The following DRC11 variants were observed in gnomAD, a reference collection of about 807,000 sequenced individuals.
DRC11 encodes the protein dynein regulatory complex subunit 11, also known as IQ and AAA domain-containing protein 1.
the DRC11 span, among the ~76,000 whole-genome samples, chr2:236,422,802 T>C: frequency 4.4e-3 from 668 of 152,044 alleles, 6 homozygotes; most frequent in African/African-American, 0.014. Context: ...CTTCAAACTA[T>C]ACTACAAGGC....
the DRC11 span, among the ~76,000 whole-genome samples, chr2:236,340,612 C>T: frequency 6.6e-6 from 1 of 152,138 alleles, no homozygotes; most frequent in African/African-American, 2.4e-5. Flanking sequence ...ACTGATCTGA[C>T]AGTCCTGGTG....
chr2:236,396,744 C>T, the DRC11 span, among the ~76,000 whole-genome samples: 1 of 152,224 alleles, frequency 6.6e-6, no homozygotes, highest in Non-Finnish European at 1.5e-5. Context: ...TATCCAATGG[C>T]ATTCTTTCCT....
the DRC11 span, among the ~76,000 whole-genome samples, chr2:236,442,336 C>G: frequency 6.1e-3 from 931 of 152,270 alleles, 10 homozygotes; most frequent in African/African-American, 0.021. Flanking sequence ...TGTTTCTGCA[C>G]TCAGTCTGTG....
the DRC11 span, among the ~76,000 whole-genome samples, chr2:236,325,598 C>CT: frequency 9.0e-3 from 1,279 of 142,124 alleles, 6 homozygotes; most frequent in Non-Finnish European, 0.013. The surrounding 1 kb of genome is among the most constrained non-coding windows in gnomAD (Gnocchi z 4.4). Flanking sequence ...CTTTGTATGT[C>CT]TTTTTTTTTT....
At chr2:236,464,191 G>A in the DRC11 span, among the ~76,000 whole-genome samples, 1 of 152,310 alleles carries the variant, frequency 6.6e-6, no homozygotes, top group East Asian at 1.9e-4. Context: ...TTCAGGGGAG[G>A]GATCACTGGA....
chr2:236,487,714 C>T, the DRC11 span, among the ~76,000 whole-genome samples: 2 of 152,206 alleles, frequency 1.3e-5, no homozygotes, highest in African/African-American at 4.8e-5. Context: ...TTTATATCCT[C>T]ACTGCATTTC....
chr2:236,360,210 CA>C, the DRC11 span, among the ~76,000 whole-genome samples: 1 of 152,142 alleles, frequency 6.6e-6, no homozygotes, highest in Non-Finnish European at 1.5e-5. This position sits in a 1 kb window ranked among gnomAD's most constrained non-coding sequence, Gnocchi z 5.8. Flanking sequence ...CCGTATAATG[CA>C]GTTTTGAAAC....
At chr2:236,421,808 A>G in the DRC11 span, among the ~76,000 whole-genome samples, 2 of 152,370 alleles carry the variant, frequency 1.3e-5, no homozygotes, top group East Asian at 1.9e-4. Flanking sequence ...AAAATCCTCA[A>G]TAAAATACTG....
chr2:236,332,986 A>G, the DRC11 span: 1 of 152,026 alleles, frequency 6.6e-6, no homozygotes, highest in Admixed American at 6.5e-5. The surrounding 1 kb of genome is among the most constrained non-coding windows in gnomAD (Gnocchi z 5.1). Flanking sequence ...TCCCTGATCT[A>G]CTCTGCTCCT....
At chr2:236,314,838 C>T in the DRC11 span, among the ~76,000 whole-genome samples, 53 of 152,222 alleles carry the variant, frequency 3.5e-4, no homozygotes, top group Middle Eastern at 6.8e-3. This position sits in a 1 kb window ranked among gnomAD's most constrained non-coding sequence, Gnocchi z 4.5. Flanking sequence ...CTTTCATGGA[C>T]TGGAAAACTC....
the DRC11 span, among the ~76,000 whole-genome samples, chr2:236,382,591 T>C: frequency 1.3e-5 from 2 of 152,206 alleles, no homozygotes; most frequent in African/African-American, 4.8e-5. Flanking sequence ...GGTATGTCTG[T>C]CTATTCAGAT....
At chr2:236,400,972 C>T in the DRC11 span, among the ~76,000 whole-genome samples, 9 of 152,164 alleles carry the variant, frequency 5.9e-5, no homozygotes, top group East Asian at 3.9e-4. The surrounding 1 kb of genome is among the most constrained non-coding windows in gnomAD (Gnocchi z 7.9). Flanking sequence ...GGTTGGCTAA[C>T]GCAGGGTCAC....
the DRC11 span, among the ~76,000 whole-genome samples, chr2:236,491,159 G>GTATATATATATATATATACACACAGTA: frequency 2.5e-5 from 1 of 40,346 alleles, no homozygotes; most frequent in African/African-American, 1.5e-4. Flanking sequence ...TATACACACA[G>GTATATATATATATATATACACACAGTA]TATATATATA....
At chr2:236,418,616 C>T in the DRC11 span, among the ~76,000 whole-genome samples, 1 of 150,342 alleles carries the variant, frequency 6.7e-6, no homozygotes, top group Non-Finnish European at 1.5e-5. Context: ...ATTCCACCTC[C>T]GCTTCCAACC....
the DRC11 span, among the ~76,000 whole-genome samples, chr2:236,357,370 ATATT>A: frequency 7.5e-4 from 86 of 115,294 alleles, no homozygotes; most frequent in Non-Finnish European, 9.0e-4. Flanking sequence ...TATTATAAAT[ATATT>A]TATATAGTAT....
chr2:236,496,951 A>T, the DRC11 span, among the ~76,000 whole-genome samples: 1 of 152,208 alleles, frequency 6.6e-6, no homozygotes, highest in Non-Finnish European at 1.5e-5. The surrounding 1 kb of genome is among the most constrained non-coding windows in gnomAD (Gnocchi z 6.3). Flanking sequence ...AACACAGCCA[A>T]GAAGTGTGCA....
chr2:236,471,059 G>A, the DRC11 span, among the ~76,000 whole-genome samples: 2 of 152,136 alleles, frequency 1.3e-5, no homozygotes, highest in African/African-American at 4.8e-5. The surrounding 1 kb of genome is among the most constrained non-coding windows in gnomAD (Gnocchi z 4.6). Flanking sequence ...TTAAGTGGTT[G>A]AAAAGTATTA....
the DRC11 span, among the ~76,000 whole-genome samples, chr2:236,348,382 G>A: frequency 6.6e-6 from 1 of 152,216 alleles, no homozygotes; most frequent in South Asian, 2.1e-4. This position sits in a 1 kb window ranked among gnomAD's most constrained non-coding sequence, Gnocchi z 7.4. Context: ...CTCTGCTAGA[G>A]CAGCAAGGGC....
At chr2:236,334,248 C>T in the DRC11 span, among the ~76,000 whole-genome samples, 1 of 152,220 alleles carries the variant, frequency 6.6e-6, no homozygotes, top group Non-Finnish European at 1.5e-5. The surrounding 1 kb of genome is among the most constrained non-coding windows in gnomAD (Gnocchi z 7.8). Context: ...CACAATCACC[C>T]ACTCATGGTT....
Sources: allele counts gnomAD v4.1 joint callset (sites outside exome capture counted in the v4.1 genomes callset), GRCh38; gene constraint gnomAD v4.1.1; non-coding constraint Gnocchi (gnomAD v3.1); transcripts MANE v1.5; gene names NCBI Gene and HGNC (gene_info 2026-07-23, HGNC 2026-07-21).